The following TAFA1 variants were observed in gnomAD, a reference collection of about 807,000 sequenced individuals.
TAFA1 encodes the protein TAFA chemokine like family member 1.
Under a neutral mutation model 18.5 loss-of-function variants are expected in TAFA1, and 4 were observed. That is an observed-to-expected ratio of 0.22 (90% confidence interval 0.11 to 0.49). The LOEUF is 0.49. TAFA1 is among the 20% of genes least tolerant of loss of function. TAFA1 has a pLI of 0.98. For missense variants in TAFA1, 147 were observed against 169.0 expected, an observed-to-expected ratio of 0.87 and a Z score of 0.72; for synonymous variants, 56 against 55.2, an observed-to-expected ratio of 1.01 and a Z score of -0.06.
At position 68,544,551 on chromosome 3, in the gene TAFA1, A is replaced by C; in HGVS notation, c.*48A>C. On this transcript the variant is annotated 3_prime_UTR_variant, in exon 5 of 5. Coordinates refer to ENST00000478136, the MANE Select transcript of TAFA1 (RefSeq NM_213609.4). ...GGAAAACCAACCCTCTGGAAAATAC[A>C]TTTTGAGAATCTCAAACATCTCACA... is the stretch of plus-strand genomic sequence containing the variant. 1 of 1,591,390 alleles carries C rather than the reference A, an allele frequency of 6.3e-7. No individual in the cohort carries two copies. The highest frequency in any genetic ancestry group is 8.6e-7 in the Non-Finnish European group (1 of 1,160,564).
rs529039044 is a variant in TAFA1, at chr3:68,169,824, T to C, written c.118+163080T>C. Among the ~76,000 whole-genome samples the C allele has an allele frequency of 6.8e-4, 103 of 152,292 alleles. 1 individual carries two copies. The highest frequency in any genetic ancestry group is 6.8e-3 in the Middle Eastern group (2 of 294). ...AATTTGTAGCAAATGTTTAAAAGAT[T>C]GATGGCTGGGCAGCTTCAGCAGCTG... On this transcript the variant is annotated intron_variant, in intron 2 of 4. Coordinates refer to ENST00000478136, the MANE Select transcript of TAFA1 (RefSeq NM_213609.4).
chr3:68,088,288 A>G (rs1038084888), intron 2 of TAFA1, among the ~76,000 whole-genome samples: 1 of 152,244 alleles, frequency 6.6e-6, no homozygotes, highest in African/African-American at 2.4e-5. Flanking sequence ...AATTGGTGCT[A>G]TCAGGCTCAG....
chr3:68,238,359 C>T (rs1286413655), intron 2 of TAFA1, among the ~76,000 whole-genome samples: 1 of 152,148 alleles, frequency 6.6e-6, no homozygotes. Context: ...GTTAATTTTC[C>T]TTATTGGTTA....
intron 3 of TAFA1, among the ~76,000 whole-genome samples, chr3:68,522,448 A>G (rs570365831): frequency 2.0e-5 from 3 of 152,302 alleles, no homozygotes; most frequent in African/African-American, 7.2e-5. Context: ...CTAGATGGCC[A>G]TTCCGATTTA....
intron 2 of TAFA1, among the ~76,000 whole-genome samples, chr3:68,072,619 G>T (rs2064771020): frequency 6.6e-6 from 1 of 152,158 alleles, no homozygotes; most frequent in African/African-American, 2.4e-5. Flanking sequence ...AAAGGGAGAG[G>T]TTAGGAAGAA....
chr3:68,133,242 C>A (rs919264595), intron 2 of TAFA1, among the ~76,000 whole-genome samples: 1 of 152,060 alleles, frequency 6.6e-6, no homozygotes, highest in Non-Finnish European at 1.5e-5. Context: ...CTTTTGGTAC[C>A]GGTACCATGC....
chr3:68,435,568 G>A (rs1385127535), intron 3 of TAFA1, among the ~76,000 whole-genome samples: 2 of 152,152 alleles, frequency 1.3e-5, no homozygotes, highest in Non-Finnish European at 2.9e-5. Flanking sequence ...ATAAACCCAA[G>A]AAATGTCAGA....
chr3:68,259,299 C>A lies in TAFA1; in HGVS notation c.119-157981C>A, dbSNP rs577475242. Among the ~76,000 whole-genome samples the A allele has an allele frequency of 3.3e-5, 5 of 152,268 alleles. No homozygotes were observed. The South Asian group carries it at 1.0e-3, about 32-fold the overall frequency. On this transcript the variant is annotated intron_variant, in intron 2 of 4. Transcript: ENST00000478136. ...ACAATGTAACACTTGTGGAACTCCA[C>A]AAATTAGGATGCAAAATGAACAAGA...
chr3:68,491,155 A>G (rs1164628800), intron 3 of TAFA1, among the ~76,000 whole-genome samples: 1 of 152,134 alleles, frequency 6.6e-6, no homozygotes, highest in Non-Finnish European at 1.5e-5. Flanking sequence ...ACAATTTTTA[A>G]GAGTAGAAAG....
intron 2 of TAFA1, among the ~76,000 whole-genome samples, chr3:68,007,682 T>A (rs965353776): frequency 1.4e-5 from 2 of 148,046 alleles, no homozygotes; most frequent in African/African-American, 4.9e-5. Context: ...CCCAAGTTTC[T>A]GATGCTCAGT....
intron 3 of TAFA1, among the ~76,000 whole-genome samples, chr3:68,523,978 T>G (rs2073066773): frequency 6.6e-6 from 1 of 152,232 alleles, no homozygotes; most frequent in Admixed American, 6.5e-5. Flanking sequence ...CCTAAATGTA[T>G]TCATCTTAAA....
At chr3:68,069,361 A>G (rs2064723139) in intron 2 of TAFA1, among the ~76,000 whole-genome samples, 1 of 152,198 alleles carries the variant, frequency 6.6e-6, no homozygotes, top group South Asian at 2.1e-4. Context: ...TCCCCCTTAT[A>G]GAACCATCAG....
chr3:68,339,458 A>C (rs1354597117), intron 2 of TAFA1, among the ~76,000 whole-genome samples: 2 of 152,200 alleles, frequency 1.3e-5, no homozygotes, highest in East Asian at 3.8e-4. Context: ...TTGAGAGAGA[A>C]AGACAAAGTT....
At chr3:68,133,346 A>G (rs1283123226) in intron 2 of TAFA1, among the ~76,000 whole-genome samples, 1 of 151,984 alleles carries the variant, frequency 6.6e-6, no homozygotes, top group African/African-American at 2.4e-5. Context: ...TCTTGGCTAT[A>G]TGGGCTCTTT....
intron 2 of TAFA1, among the ~76,000 whole-genome samples, chr3:68,110,777 G>T (rs547089435): frequency 1.3e-5 from 2 of 152,204 alleles, no homozygotes; most frequent in Admixed American, 6.5e-5. Context: ...TAAAAGAGGC[G>T]GTTCTTTGGC....
At chr3:68,378,252 C>T (rs1318456824) in intron 2 of TAFA1, among the ~76,000 whole-genome samples, 2 of 152,162 alleles carry the variant, frequency 1.3e-5, no homozygotes, top group African/African-American at 2.4e-5. Flanking sequence ...GCTGCCATGG[C>T]TGTGTGAGCT....
chr3:68,375,259 A>C (rs2069787392), intron 2 of TAFA1, among the ~76,000 whole-genome samples: 1 of 152,088 alleles, frequency 6.6e-6, no homozygotes. Context: ...TCTATTGTGT[A>C]TCCCACTCCA....
At chr3:68,536,687 A>T (rs780389845) in intron 3 of TAFA1, among the ~76,000 whole-genome samples, 1 of 152,172 alleles carries the variant, frequency 6.6e-6, no homozygotes, top group Non-Finnish European at 1.5e-5. Context: ...CATTGAGTGA[A>T]TCTAGTCACT....
At chr3:68,527,966 A>G (rs1416215711) in intron 3 of TAFA1, among the ~76,000 whole-genome samples, 1 of 152,136 alleles carries the variant, frequency 6.6e-6, no homozygotes, top group Admixed American at 6.5e-5. Context: ...TGCAATCCTA[A>G]TGAATCTTAT....
Sources: gnomAD v4.1 joint callset for allele counts (sites outside exome capture counted in the v4.1 genomes callset) on GRCh38, gnomAD v4.1.1 for gene constraint, MANE v1.5 for transcripts, NCBI Gene and HGNC (gene_info 2026-07-23, HGNC 2026-07-21) for gene names.